The following TAFA2 variants were observed in gnomAD, a reference collection of about 807,000 sequenced individuals.
TAFA2 encodes the protein TAFA chemokine like family member 2.
TAFA2 carries 7 observed loss-of-function variants against 18.8 expected under a neutral mutation model. The observed-to-expected ratio is 0.37, with a 90% CI of 0.21 to 0.70. The LOEUF is 0.70. Among genes scored for constraint, TAFA2 ranks in the 30% least tolerant of loss-of-function variants. The pLI, the probability that TAFA2 is intolerant of heterozygous loss-of-function variation, is 0.53. For synonymous variants in TAFA2, 60 were observed against 54.2 expected (o/e 1.11, Z -0.47); for missense variants, 122 against 158.1 (o/e 0.77, Z 1.23).
intron 1 of TAFA2, among the ~76,000 whole-genome samples, chr12:62,008,173 G>A (rs1880618725): frequency 6.6e-6 from 1 of 152,076 alleles, no homozygotes; most frequent in African/African-American, 2.4e-5. Flanking sequence ...ATGAATTTGG[G>A]AACACCATGA....
chr12:62,166,865 T>C (rs918824525), intron 1 of TAFA2, among the ~76,000 whole-genome samples: 2 of 152,192 alleles, frequency 1.3e-5, no homozygotes, highest in African/African-American at 2.4e-5. Flanking sequence ...TGCTCCCTGA[T>C]ACACGCCAGT....
intron 1 of TAFA2, among the ~76,000 whole-genome samples, chr12:62,062,757 C>A (rs557656898): frequency 7.9e-5 from 12 of 152,248 alleles, no homozygotes; most frequent in African/African-American, 2.6e-4. Context: ...GAATCCATTT[C>A]TTGCTTATTT....
At chr12:61,798,461 T>C (rs1565637732) in intron 2 of TAFA2, among the ~76,000 whole-genome samples, 1 of 152,158 alleles carries the variant, frequency 6.6e-6, no homozygotes, top group Non-Finnish European at 1.5e-5. Flanking sequence ...TTAAGTGCAT[T>C]CACAGTGTTG....
intron 1 of TAFA2, among the ~76,000 whole-genome samples, chr12:62,148,064 C>G (rs1197338122): frequency 6.6e-6 from 1 of 151,548 alleles, no homozygotes. Flanking sequence ...CAAAAAAAAG[C>G]AGATGTTGGC....
At chr12:61,784,761 G>A (rs1312445206) in intron 2 of TAFA2, among the ~76,000 whole-genome samples, 1 of 148,760 alleles carries the variant, frequency 6.7e-6, no homozygotes. Flanking sequence ...TACATATTTA[G>A]TCTTTTTAAA....
intron 1 of TAFA2, among the ~76,000 whole-genome samples, chr12:61,930,365 G>C (rs1346162956): frequency 6.6e-6 from 1 of 152,154 alleles, no homozygotes; most frequent in Non-Finnish European, 1.5e-5. Flanking sequence ...TTACATCTTT[G>C]TACTCCTGAA....
Position 61,760,197 on chromosome 12 carries a change from G to A in TAFA2, c.107-5173C>T, listed in dbSNP as rs530596341. Among the ~76,000 whole-genome samples, 5 of 150,782 alleles carry A rather than the reference G, an allele frequency of 3.3e-5. No individual in the cohort carries two copies. The South Asian group carries it at 1.0e-3, about 32-fold the overall frequency. On this transcript the variant is annotated intron_variant, in intron 2 of 4. Transcript: ENST00000416284. Reference sequence around the variant, plus strand: ...TGTCCTTCTTATTAAAACTGAAGGTGTAAAACTTTTTATGGGGAAGAGAAG... The same window carrying A: ...TGTCCTTCTTATTAAAACTGAAGGTATAAAACTTTTTATGGGGAAGAGAAG...
chr12:61,768,454 G>A (rs574216948), intron 2 of TAFA2, among the ~76,000 whole-genome samples: 17 of 152,158 alleles, frequency 1.1e-4, no homozygotes, highest in African/African-American at 3.9e-4. Flanking sequence ...CAGACCCTTT[G>A]AAAAAAGTGG....
chr12:62,116,021 A>G (rs1157342770), intron 1 of TAFA2, among the ~76,000 whole-genome samples: 1 of 152,232 alleles, frequency 6.6e-6, no homozygotes, highest in Non-Finnish European at 1.5e-5. Context: ...GGAAAGTAAC[A>G]TTTTAAATAA....
intron 1 of TAFA2, among the ~76,000 whole-genome samples, chr12:62,170,383 G>T (rs1312590784): frequency 1.3e-5 from 2 of 152,188 alleles, no homozygotes; most frequent in African/African-American, 4.8e-5. Context: ...GCGTCAAGGT[G>T]CACCTTCTTC....
At chr12:61,948,402 C>G (rs1241406000) in intron 1 of TAFA2, among the ~76,000 whole-genome samples, 1 of 151,940 alleles carries the variant, frequency 6.6e-6, no homozygotes, top group Non-Finnish European at 1.5e-5. Context: ...AATCTGTAAG[C>G]CAAGAGAAAT....
At chr12:62,218,422 G>C (rs2062746118) in intron 1 of TAFA2, among the ~76,000 whole-genome samples, 1 of 152,184 alleles carries the variant, frequency 6.6e-6, no homozygotes, top group South Asian at 2.1e-4. Context: ...TATGTGATCA[G>C]TTGGGTAGGC....
At chr12:61,846,283 G>A (rs543649498) in intron 2 of TAFA2, among the ~76,000 whole-genome samples, 183 of 152,202 alleles carry the variant, frequency 1.2e-3, no homozygotes, top group Non-Finnish European at 2.1e-3. Context: ...TGTTGTGACT[G>A]GACAGCCCAT....
At chr12:61,882,959 T>C (rs956101446) in intron 1 of TAFA2, among the ~76,000 whole-genome samples, 4 of 152,210 alleles carry the variant, frequency 2.6e-5, no homozygotes, top group African/African-American at 9.6e-5. Flanking sequence ...AGTTTTAATC[T>C]TAAAAATATA....
intron 1 of TAFA2, among the ~76,000 whole-genome samples, chr12:62,179,284 G>A (rs959088609): frequency 3.9e-5 from 6 of 152,264 alleles, no homozygotes; most frequent in East Asian, 3.9e-4. Context: ...ACATTCTAGG[G>A]AGGAAGTCGA....
chr12:61,912,807 C>T (rs1376250501), intron 1 of TAFA2, among the ~76,000 whole-genome samples: 1 of 152,160 alleles, frequency 6.6e-6, no homozygotes, highest in Non-Finnish European at 1.5e-5. Context: ...AGAAAATTCA[C>T]AGAACATTAA....
At chr12:61,888,641 T>C (rs1316370207) in intron 1 of TAFA2, among the ~76,000 whole-genome samples, 1 of 152,014 alleles carries the variant, frequency 6.6e-6, no homozygotes, top group African/African-American at 2.4e-5. Context: ...AAAGATCAAG[T>C]AGATAAAAAT....
rs1197679735 is a variant in TAFA2, at chr12:62,153,921, A to ATTATATTATG, written c.-2+37337_-2+37338insCATAATATAA. 3.7e-3 allele frequency among the ~76,000 whole-genome samples: 460 copies of ATTATATTATG among 124,120 alleles called. 2 individuals carry two copies. Among genetic ancestry groups the ATTATATTATG allele is most frequent in the African/African-American group, 0.014 (429 of 31,556 alleles). 81.4% of individuals were successfully genotyped at this position (124,120 alleles called of 152,430 possible). On this transcript the variant is annotated intron_variant, in intron 1 of 4. Coordinates refer to ENST00000416284, the MANE Select transcript of TAFA2 (RefSeq NM_178539.5). Reference sequence around the variant, plus strand: ...TATACACAGGCATGAACATAACAAAATTATGTTATGTTATGTTATGTTATG... The same window carrying ATTATATTATG: ...TATACACAGGCATGAACATAACAAAATTATATTATGTTATGTTATGTTATGTTATGTTATG...
At chr12:62,139,853 A>G (rs1277998527) in intron 1 of TAFA2, 1 of 152,236 alleles carries the variant, frequency 6.6e-6, no homozygotes, top group African/African-American at 2.4e-5. Context: ...CCAAGGTCAC[A>G]CAGTGACTTA....
Sources: gnomAD v4.1 joint callset for allele counts (sites outside exome capture counted in the v4.1 genomes callset) on GRCh38, gnomAD v4.1.1 for gene constraint, MANE v1.5 for transcripts, NCBI Gene and HGNC (gene_info 2026-07-23, HGNC 2026-07-21) for gene names.